Variants in WDR70 observed in about 807,000 individuals in gnomAD.
The protein encoded by WDR70 is WD repeat domain 70.
Under a neutral mutation model 88.6 loss-of-function variants are expected in WDR70, and 53 were observed. The observed-to-expected ratio is 0.60, with a 90% CI of 0.48 to 0.75. The LOEUF (loss-of-function observed/expected upper bound fraction) is 0.75. Ranked by LOEUF, WDR70 falls within the 30% of genes least tolerant of loss-of-function variation. The pLI is 0.00. For synonymous variants in WDR70, 280 were observed against 270.0 expected, an observed-to-expected ratio of 1.04 and a Z score of -0.36; for missense variants, 610 against 823.2, an observed-to-expected ratio of 0.74 and a Z score of 3.17.
intron 9 of WDR70, among the ~76,000 whole-genome samples, chr5:37,540,462 A>G (rs1581378833): frequency 6.6e-6 from 1 of 152,158 alleles, no homozygotes. Context: ...GCTCACTGCA[A>G]TCTCCGCCTC....
intron 5 of WDR70, among the ~76,000 whole-genome samples, chr5:37,417,888 TA>T (rs1326980454): frequency 1.3e-5 from 2 of 152,184 alleles, no homozygotes; most frequent in African/African-American, 4.8e-5. Context: ...TAAACTCTGG[TA>T]AACATCTGTC....
At chr5:37,572,479 A>C (rs996422264) in intron 9 of WDR70, among the ~76,000 whole-genome samples, 1 of 151,982 alleles carries the variant, frequency 6.6e-6, no homozygotes, top group Admixed American at 6.6e-5. Flanking sequence ...TACAAGTGCA[A>C]TTTTGCTGCA....
At chr5:37,478,086 G>A (rs1739541638) in intron 7 of WDR70, among the ~76,000 whole-genome samples, 1 of 152,176 alleles carries the variant, frequency 6.6e-6, no homozygotes, top group Non-Finnish European at 1.5e-5. Flanking sequence ...ATCTGATCAA[G>A]ACCAATAACC....
intron 7 of WDR70, among the ~76,000 whole-genome samples, chr5:37,466,320 A>G (rs529481879): frequency 1.3e-5 from 2 of 152,330 alleles, no homozygotes; most frequent in African/African-American, 4.8e-5. Context: ...TGTTTTTCCA[A>G]AGTTGAGACT....
At chr5:37,534,106 A>G (rs926149530) in intron 9 of WDR70, among the ~76,000 whole-genome samples, 4 of 152,178 alleles carry the variant, frequency 2.6e-5, no homozygotes, top group African/African-American at 4.8e-5. Context: ...GATGAATCAT[A>G]TCACAGGACT....
chr5:37,520,267 T>G (rs1359797653), intron 9 of WDR70, among the ~76,000 whole-genome samples: 1 of 152,198 alleles, frequency 6.6e-6, no homozygotes, highest in African/African-American at 2.4e-5. Context: ...TCTTAGATAC[T>G]TTATGTTTTC....
chr5:37,403,955 G>T (rs1287489174), intron 5 of WDR70, among the ~76,000 whole-genome samples: 1 of 151,946 alleles, frequency 6.6e-6, no homozygotes, highest in Non-Finnish European at 1.5e-5. Context: ...TTGTCTGTGT[G>T]GCCTTGAACT....
At chr5:37,387,928 G>A (rs999117247) in intron 3 of WDR70, among the ~76,000 whole-genome samples, 5 of 152,050 alleles carry the variant, frequency 3.3e-5, no homozygotes, top group African/African-American at 9.7e-5. Flanking sequence ...CCTTTTAATA[G>A]CAAGTTTGTC....
intron 10 of WDR70, among the ~76,000 whole-genome samples, chr5:37,687,624 A>G (rs1025574470): frequency 6.6e-6 from 1 of 152,204 alleles, no homozygotes; most frequent in African/African-American, 2.4e-5. Context: ...TAGCAGATGA[A>G]TATTTGGTGA....
At chr5:37,466,960 G>A (rs1375276002) in intron 7 of WDR70, among the ~76,000 whole-genome samples, 1 of 151,972 alleles carries the variant, frequency 6.6e-6, no homozygotes, top group African/African-American at 2.4e-5. Context: ...TTTTGACCAG[G>A]CGTGGTGGCT....
At chr5:37,419,065 A>G (rs893123528) in intron 5 of WDR70, among the ~76,000 whole-genome samples, 7 of 151,692 alleles carry the variant, frequency 4.6e-5, no homozygotes, top group African/African-American at 1.7e-4. Flanking sequence ...TGTTGGGCCC[A>G]GTAATTTCTG....
chr5:37,429,720 C>G (rs564711891), intron 5 of WDR70, among the ~76,000 whole-genome samples: 5 of 152,322 alleles, frequency 3.3e-5, no homozygotes, highest in Middle Eastern at 3.4e-3. Context: ...CACAATGTCT[C>G]AGTTACTGTA....
At chr5:37,528,089 T>C (rs1388789536) in intron 9 of WDR70, among the ~76,000 whole-genome samples, 2 of 152,278 alleles carry the variant, frequency 1.3e-5, no homozygotes, top group South Asian at 2.1e-4. Flanking sequence ...CGAGGATCTA[T>C]AACTAGAAAC....
chr5:37,747,686 G>C (rs1373272002), intron 17 of WDR70, among the ~76,000 whole-genome samples: 1 of 152,134 alleles, frequency 6.6e-6, no homozygotes, highest in Non-Finnish European at 1.5e-5. Flanking sequence ...TAGGAAGAGA[G>C]GAAGTCAAGT....
intron 8 of WDR70, among the ~76,000 whole-genome samples, chr5:37,512,203 C>G (rs1740740824): frequency 6.6e-6 from 1 of 151,926 alleles, no homozygotes; most frequent in African/African-American, 2.4e-5. Context: ...GTCTTTTTCT[C>G]TTCTCTTTTC....
intron 7 of WDR70, among the ~76,000 whole-genome samples, chr5:37,475,507 G>A (rs1290723446): frequency 6.6e-6 from 1 of 152,132 alleles, no homozygotes. Flanking sequence ...CAAAGTGCTG[G>A]AATTATGGGC....
chr5:37,427,676 C>T (rs1750174831), intron 5 of WDR70, among the ~76,000 whole-genome samples: 1 of 152,004 alleles, frequency 6.6e-6, no homozygotes, highest in South Asian at 2.1e-4. Flanking sequence ...CACCTGAGGT[C>T]AGGAGTTCGA....
At chr5:37,665,014 C>T (rs1745798347) in intron 10 of WDR70, among the ~76,000 whole-genome samples, 1 of 152,152 alleles carries the variant, frequency 6.6e-6, no homozygotes, top group African/African-American at 2.4e-5. Context: ...ATATGTAGGT[C>T]TTTTGTTCAT....
intron 17 of WDR70, among the ~76,000 whole-genome samples, chr5:37,728,368 A>AC (rs1561094196): frequency 2.6e-5 from 4 of 151,004 alleles, no homozygotes; most frequent in African/African-American, 9.8e-5. Flanking sequence ...AAAAAACAAA[A>AC]AAAAAAAACA....
Sources: gnomAD v4.1 joint callset for allele counts (sites outside exome capture counted in the v4.1 genomes callset) on GRCh38, gnomAD v4.1.1 for gene constraint, MANE v1.5 for transcripts, NCBI Gene and HGNC (gene_info 2026-07-23, HGNC 2026-07-21) for gene names.